The following STAC variants were observed in gnomAD, a reference collection of about 807,000 sequenced individuals.
STAC encodes the protein SH3 and cysteine rich domain.
A neutral mutation model predicts 48.8 loss-of-function variants in STAC; 43 were observed. That is an observed-to-expected ratio of 0.88 (90% CI 0.69 to 1.14). The LOEUF is 1.14. Among genes scored for constraint, STAC ranks in the 50% most tolerant of loss-of-function variants. The pLI, the probability that STAC is intolerant of heterozygous loss-of-function variation, is 0.00. For missense variants in STAC, 497 were observed against 504.0 expected, an observed-to-expected ratio of 0.99 and a Z score of 0.13; for synonymous variants, 193 against 179.5, an observed-to-expected ratio of 1.07 and a Z score of -0.60.
intron 3 of STAC, among the ~76,000 whole-genome samples, chr3:36,483,996 G>A (rs1697730906): frequency 6.6e-6 from 1 of 152,138 alleles, no homozygotes; most frequent in African/African-American, 2.4e-5. Context: ...GAGGGTGTTT[G>A]AAACTAGGAT....
chr3:36,518,695 A>G (rs1698732478), intron 8 of STAC, among the ~76,000 whole-genome samples: 1 of 152,154 alleles, frequency 6.6e-6, no homozygotes, highest in Admixed American at 6.5e-5. Context: ...ATTAGTTAGT[A>G]TTTGCCAGAA....
chr3:36,382,902 C>A lies in STAC; in HGVS notation c.111+2148C>A, dbSNP rs1037394445. Among the ~76,000 whole-genome samples, 3 of 152,148 alleles carry A rather than the reference C, an allele frequency of 2.0e-5. No individual in the cohort carries two copies. In the East Asian group the frequency reaches 5.8e-4, roughly 29 times the overall value. On this transcript the variant is annotated intron_variant, in intron 1 of 10. Coordinates refer to ENST00000273183, the MANE Select transcript of STAC (RefSeq NM_003149.3). Reference sequence around the variant, plus strand: ...GTAATATGCATTCCATCTTACTCTTCCATGAAGTGGTCTTGTTTGTAAAAT... The same window carrying A: ...GTAATATGCATTCCATCTTACTCTTACATGAAGTGGTCTTGTTTGTAAAAT...
chr3:36,395,427 C>T (rs1699837752), intron 1 of STAC, among the ~76,000 whole-genome samples: 2 of 152,102 alleles, frequency 1.3e-5, no homozygotes, highest in Non-Finnish European at 1.5e-5. Context: ...AGAGGAATTT[C>T]GATGACAAGT....
Position 36,489,211 on chromosome 3 carries a change from T to C in STAC, c.687+2962T>C, listed in dbSNP as rs566468487. ...AAATACTGAGTATCTAGTGAGTATC[T>C]AGGTCCCGTTCCTTATTCATCTCAT... On this transcript the variant is annotated intron_variant, in intron 5 of 10. Transcript: ENST00000273183. Among the ~76,000 whole-genome samples the C allele has an allele frequency of 5.3e-5, 8 of 152,338 alleles. No homozygotes were observed. The South Asian group carries it at 1.7e-3, about 32-fold the overall frequency.
chr3:36,449,810 T>G, intron 2 of STAC, among the ~76,000 whole-genome samples: 1 of 152,180 alleles, frequency 6.6e-6, no homozygotes, highest in Non-Finnish European at 1.5e-5. Context: ...GAGCATTGCG[T>G]GTCATCTTAA....
intron 2 of STAC, among the ~76,000 whole-genome samples, chr3:36,449,111 T>C (rs1696608736): frequency 6.6e-6 from 1 of 152,014 alleles, no homozygotes; most frequent in South Asian, 2.1e-4. Flanking sequence ...GGAGTGAGAC[T>C]TCATCTCTTA....
At position 36,511,488 on chromosome 3, in the gene STAC, G is replaced by A. The variant is rs73067891; in HGVS notation, c.920+5654G>A. 2.3e-3 allele frequency among the ~76,000 whole-genome samples: 346 copies of A among 152,278 alleles called. 1 individual carries two copies. Among genetic ancestry groups the A allele is most frequent in the Non-Finnish European group, 4.0e-3 (270 of 68,028 alleles). On this transcript the variant is annotated intron_variant, in intron 8 of 10. Coordinates refer to ENST00000273183, the MANE Select transcript of STAC (RefSeq NM_003149.3). ...GGTCTCTGTGTTTTCCCATCCTAGA[G>A]CAGGATAGAAAAGGCTACTTTTCCA...
At position 36,463,133 on chromosome 3, in the gene STAC, G is replaced by A. The variant is rs138123423; in HGVS notation, c.388+19493G>A. ...ATCTGTAGTTTCTCTTCTTTGCTTC[G>A]AGAAATTTTGGTTTCATTTTTAGTG... On this transcript the variant is annotated intron_variant, in intron 2 of 10. Transcript: ENST00000273183. Among the ~76,000 whole-genome samples the A allele has an allele frequency of 7.7e-4, 117 of 152,108 alleles. No individual in the cohort carries two copies. The East Asian group carries it at 0.015, about 20-fold the overall frequency.
rs1258299544 is a variant in STAC, at chr3:36,485,032, G to A, written c.545G>A (p.Gly182Asp). 1.2e-6 allele frequency: 2 copies of A among 1,603,192 alleles called. No individual in the cohort carries two copies. Among genetic ancestry groups the A allele is most frequent in the African/African-American group, 2.7e-5 (2 of 74,474 alleles). Residue 182 changes from glycine (G) to aspartate (D), a missense_variant, in exon 4 of 11, where the codon GGC becomes GAC. Gly to Asp is a moderately conservative substitution (Grantham distance 94). Coordinates refer to ENST00000273183, the MANE Select transcript of STAC (RefSeq NM_003149.3). Reference sequence around the variant, plus strand: ...CCCTTGCTCATTCATGAACAGTTTGGCTGCATTAAAGAAGTTATGCCCATT... The same window carrying A: ...CCCTTGCTCATTCATGAACAGTTTGACTGCATTAAAGAAGTTATGCCCATT... Reference protein sequence around the residue: ...SSPLLIHEQFGCIKEVMPIAC... With the variant: ...SSPLLIHEQFDCIKEVMPIAC...
In STAC at chr3:36,535,308, T is replaced by C. The variant is rs552355964; in HGVS notation, c.1110+6323T>C. The stretch of plus-strand genomic sequence containing the variant: ...TGGCGTATAGTAATGCTTGTGATTA[T>C]TGAACATTGATTTTGTATCCTGAGA... On this transcript the variant is annotated intron_variant, in intron 10 of 10. Coordinates refer to ENST00000273183, the MANE Select transcript of STAC (RefSeq NM_003149.3). Among the ~76,000 whole-genome samples, 15 of 152,324 alleles carry C rather than the reference T, an allele frequency of 9.8e-5. No homozygotes were observed. In the East Asian group the frequency reaches 1.4e-3, roughly 14 times the overall value.
At chr3:36,385,291 T>C (rs1035558367) in intron 1 of STAC, among the ~76,000 whole-genome samples, 2 of 152,164 alleles carry the variant, frequency 1.3e-5, no homozygotes, top group Admixed American at 1.3e-4. Context: ...AGCAGTCCCT[T>C]CTGATTTCAT....
chr3:36,523,954 T>A (rs1698865263), intron 8 of STAC, among the ~76,000 whole-genome samples: 1 of 152,142 alleles, frequency 6.6e-6, no homozygotes, highest in Admixed American at 6.5e-5. Flanking sequence ...GGGTTGCCAC[T>A]AAGGGCAACA....
intron 2 of STAC, among the ~76,000 whole-genome samples, chr3:36,455,866 G>A (rs1454947606): frequency 6.6e-6 from 1 of 152,038 alleles, no homozygotes; most frequent in Non-Finnish European, 1.5e-5. Context: ...TTTCTCCATA[G>A]CTTATCAAAC....
intron 2 of STAC, among the ~76,000 whole-genome samples, chr3:36,453,374 G>T (rs1221002400): frequency 6.6e-6 from 1 of 152,182 alleles, no homozygotes; most frequent in Non-Finnish European, 1.5e-5. Flanking sequence ...CCGGGGCTGC[G>T]CGCGGTGCTT....
At chr3:36,510,934 T>C (rs953482409) in intron 8 of STAC, among the ~76,000 whole-genome samples, 2 of 151,990 alleles carry the variant, frequency 1.3e-5, no homozygotes, top group African/African-American at 2.4e-5. Context: ...TCTGCACATG[T>C]ATCCCAGAAC....
At chr3:36,381,505 T>G (rs1575165574) in intron 1 of STAC, among the ~76,000 whole-genome samples, 1 of 152,244 alleles carries the variant, frequency 6.6e-6, no homozygotes, top group African/African-American at 2.4e-5. Flanking sequence ...CAGCTGGTGG[T>G]GGAAATCCTA....
intron 10 of STAC, among the ~76,000 whole-genome samples, chr3:36,543,091 G>A (rs1167980493): frequency 2.0e-5 from 3 of 152,086 alleles, no homozygotes; most frequent in Non-Finnish European, 2.9e-5. Flanking sequence ...TGCTAATATT[G>A]AGAATGTCCT....
intron 2 of STAC, among the ~76,000 whole-genome samples, chr3:36,481,462 T>G (rs534851458): frequency 1.3e-5 from 2 of 152,242 alleles, no homozygotes; most frequent in East Asian, 1.9e-4. Flanking sequence ...GTGAAGCAAT[T>G]GTAGAGAAGA....
At chr3:36,522,922 C>G (rs1265763844) in intron 8 of STAC, among the ~76,000 whole-genome samples, 1 of 152,206 alleles carries the variant, frequency 6.6e-6, no homozygotes, top group Non-Finnish European at 1.5e-5. Context: ...TTTCTAACAT[C>G]TTGCAGAATA....
Sources: gnomAD v4.1 joint callset for allele counts (sites outside exome capture counted in the v4.1 genomes callset) on GRCh38, gnomAD v4.1.1 for gene constraint, MANE v1.5 for transcripts, NCBI Gene and HGNC (gene_info 2026-07-23, HGNC 2026-07-21) for gene names.